Variants in WIPF1 observed in about 807,000 individuals in gnomAD.
The protein encoded by WIPF1 is WAS/WASL-interacting protein family member 1.
Under a neutral mutation model 35.4 loss-of-function variants are expected in WIPF1, and 13 were observed. The ratio of observed to expected loss-of-function variants is 0.37; its 90% CI spans 0.24 to 0.58. The LOEUF (loss-of-function observed/expected upper bound fraction) is 0.58. Ranked by LOEUF, WIPF1 falls within the 20% of genes least tolerant of loss-of-function variation. WIPF1 has a pLI of 0.74. For synonymous variants in WIPF1, 267 were observed against 266.3 expected (o/e 1.00, Z -0.02); for missense variants, 591 against 667.0 (o/e 0.89, Z 1.25).
At chr2:174,601,978 G>A (rs1366452600), upstream of WIPF1, among the ~76,000 whole-genome samples, 1 of 152,198 alleles carries the variant, frequency 6.6e-6, no homozygotes. Context: ...GAAAGAGGGT[G>A]GAGAGAAAGG....
chr2:174,667,406 C>A (rs954136426), intron 1 of WIPF1, among the ~76,000 whole-genome samples: 6 of 152,152 alleles, frequency 3.9e-5, no homozygotes, highest in Non-Finnish European at 5.9e-5. Flanking sequence ...CAACCCTTTC[C>A]ACCTCCACCC....
chr2:174,620,583 TTC>T (rs1450271000), intron 1 of WIPF1, among the ~76,000 whole-genome samples: 2 of 152,250 alleles, frequency 1.3e-5, no homozygotes, highest in African/African-American at 4.8e-5. Flanking sequence ...CATTAAAATA[TTC>T]AGCACATACC....
intron 1 of WIPF1, among the ~76,000 whole-genome samples, chr2:174,605,100 A>G (rs981328237): frequency 6.6e-6 from 1 of 152,236 alleles, no homozygotes; most frequent in South Asian, 2.1e-4. Flanking sequence ...CCAATGCAGT[A>G]AGAGCGAGGG....
At chr2:174,628,683 C>A (rs1431966393) in intron 1 of WIPF1, among the ~76,000 whole-genome samples, 1 of 152,214 alleles carries the variant, frequency 6.6e-6, no homozygotes, top group Non-Finnish European at 1.5e-5. Flanking sequence ...TTTCAGATTC[C>A]CAAGTCCTTG....
chr2:174,662,934 C>A (rs558895162), intron 1 of WIPF1, among the ~76,000 whole-genome samples: 1 of 152,304 alleles, frequency 6.6e-6, no homozygotes, highest in Non-Finnish European at 1.5e-5. Flanking sequence ...ACTCAGATTT[C>A]ATTTCTAGGA....
chr2:174,673,931 A>C (rs1229509431), intron 1 of WIPF1: 2 of 152,060 alleles, frequency 1.3e-5, no homozygotes, highest in Non-Finnish European at 2.9e-5. Context: ...AATCTTTTTG[A>C]CATCTGTGTC....
In WIPF1 at chr2:174,618,137, T is replaced by C. The variant is rs185896185; in HGVS notation, c.-38-32526A>G. 1.3e-3 allele frequency among the ~76,000 whole-genome samples: 201 copies of C among 152,322 alleles called. 1 individual carries two copies. Among genetic ancestry groups the C allele is most frequent in the Middle Eastern group, 3.4e-3 (1 of 294 alleles). On this transcript the variant is annotated intron_variant, in intron 1 of 8. Coordinates refer to the WIPF1 transcript ENST00000272746. ...TCCAGAATAATTGAAAATCCCATAA[T>C]TAAAAGACCTTCCTTTGTGCCCACA...
At chr2:174,572,493 A>C in intron 4 of WIPF1, 47 bp from the exon 5 acceptor site, 1 of 1,610,472 alleles carries the variant, frequency 6.2e-7, no homozygotes, top group Non-Finnish European at 8.5e-7. Context: ...AGGAACCCTG[A>C]AGAAATCAGA....
intron 1 of WIPF1, among the ~76,000 whole-genome samples, chr2:174,645,759 A>T (rs977609732): frequency 6.6e-6 from 1 of 152,222 alleles, no homozygotes; most frequent in Non-Finnish European, 1.5e-5. Flanking sequence ...TAGTGGGGTT[A>T]TTCTTCTTCG....
At chr2:174,601,225 C>T (rs1454355242), upstream of WIPF1, among the ~76,000 whole-genome samples, 1 of 152,144 alleles carries the variant, frequency 6.6e-6, no homozygotes, top group East Asian at 1.9e-4. Flanking sequence ...CCACGCTGCC[C>T]AGCATAATGT....
At chr2:174,623,593 A>G (rs1470988331) in intron 1 of WIPF1, 1 of 152,242 alleles carries the variant, frequency 6.6e-6, no homozygotes, top group African/African-American at 2.4e-5. Context: ...TATGAACTAG[A>G]TGGGAAAAAT....
In WIPF1 at chr2:174,580,299, G is replaced by A. The variant is rs373429825; in HGVS notation, c.181+1011C>T. ...CATTCTCACTCGCAGCACTTTGCCC[G>A]GTAACAGAACAACATTCAAAGGCCT... On this transcript the variant is annotated intron_variant, in intron 3 of 7. Transcript: ENST00000679041. Among the ~76,000 whole-genome samples, 9 of 152,222 alleles carry A rather than the reference G, an allele frequency of 5.9e-5. No homozygotes were observed. In the South Asian group the frequency reaches 1.2e-3, roughly 21 times the overall value.
rs995324857 is a variant in WIPF1 at position 174,610,858 on chromosome 2, G to C, written c.-38-25247C>G. Among the ~76,000 whole-genome samples, 8 of 151,932 alleles carry C rather than the reference G, an allele frequency of 5.3e-5. No individual in the cohort carries two copies. The South Asian group carries it at 8.3e-4, about 16-fold the overall frequency. ...CCAGATGAGCTTCTCCAACCTCTAGGTCCCTGCAGTCACTGACCTTTTCCC... is the reference window on the plus strand; with the variant it reads ...CCAGATGAGCTTCTCCAACCTCTAGCTCCCTGCAGTCACTGACCTTTTCCC... On this transcript the variant is annotated intron_variant, in intron 1 of 8. Coordinates refer to the WIPF1 transcript ENST00000272746.
intron 1 of WIPF1, among the ~76,000 whole-genome samples, chr2:174,588,873 C>A (rs1685515896): frequency 6.6e-6 from 1 of 152,208 alleles, no homozygotes; most frequent in Non-Finnish European, 1.5e-5. Flanking sequence ...AGTGCTCTTT[C>A]CTCTCTTCCT....
intron 1 of WIPF1, among the ~76,000 whole-genome samples, chr2:174,631,397 G>A (rs1421914148): frequency 1.3e-5 from 2 of 152,128 alleles, no homozygotes; most frequent in East Asian, 1.9e-4. Flanking sequence ...CTACTTATAT[G>A]AGGTACCTAG....
At chr2:174,584,505 A>T (rs1249249058) in intron 2 of WIPF1, among the ~76,000 whole-genome samples, 3 of 152,320 alleles carry the variant, frequency 2.0e-5, no homozygotes, top group South Asian at 4.1e-4. Flanking sequence ...AGGCTTCACA[A>T]GCTGGAGAGG....
chr2:174,581,915 C>T (rs576385053), intron 2 of WIPF1, among the ~76,000 whole-genome samples: 2 of 152,296 alleles, frequency 1.3e-5, no homozygotes, highest in African/African-American at 4.8e-5. Context: ...TTTAAACCCA[C>T]TAAAGTTCTA....
At chr2:174,621,553 T>C (rs1374438472) in intron 1 of WIPF1, among the ~76,000 whole-genome samples, 1 of 152,050 alleles carries the variant, frequency 6.6e-6, no homozygotes, top group Middle Eastern at 3.4e-3. Context: ...TGTATATAGG[T>C]AGAACAGCAC....
At chr2:174,596,956 A>G (rs1346358011) in intron 1 of WIPF1, among the ~76,000 whole-genome samples, 1 of 152,220 alleles carries the variant, frequency 6.6e-6, no homozygotes, top group Non-Finnish European at 1.5e-5. Context: ...AAATCACAAT[A>G]TTTTATGCCA....
Sources: allele counts gnomAD v4.1 joint callset (sites outside exome capture counted in the v4.1 genomes callset), GRCh38; gene constraint gnomAD v4.1.1; transcripts MANE v1.5; gene names NCBI Gene and HGNC (gene_info 2026-07-23, HGNC 2026-07-21).